Variants in PHACTR1 observed in about 807,000 individuals in gnomAD.
The protein encoded by PHACTR1 is phosphatase and actin regulator 1.
A neutral mutation model predicts 69.2 loss-of-function variants in PHACTR1; 16 were observed. The observed-to-expected ratio is 0.23, with a 90% confidence interval of 0.16 to 0.35. PHACTR1 has a LOEUF of 0.35. Ranked by LOEUF, PHACTR1 falls within the 10% of genes least tolerant of loss-of-function variation. PHACTR1 has a pLI of 1.00. For missense variants in PHACTR1, 510 were observed against 734.7 expected (o/e 0.69, Z 3.54); for synonymous variants, 312 against 284.5 (o/e 1.10, Z -0.97).
chr6:12,785,645 C>T (rs1266237814), intron 4 of PHACTR1, among the ~76,000 whole-genome samples: 1 of 152,178 alleles, frequency 6.6e-6, no homozygotes, highest in Non-Finnish European at 1.5e-5. Flanking sequence ...TTAGAGGTTT[C>T]TTAGAAACTG....
At chr6:12,811,704 CG>C (rs1442875126) in intron 4 of PHACTR1, among the ~76,000 whole-genome samples, 2 of 152,200 alleles carry the variant, frequency 1.3e-5, no homozygotes, top group Non-Finnish European at 2.9e-5. Flanking sequence ...CTACCCCACA[CG>C]GATCACCCTT....
chr6:12,932,328 A>T (rs144855938), intron 4 of PHACTR1, among the ~76,000 whole-genome samples: 101 of 152,298 alleles, frequency 6.6e-4, no homozygotes, highest in Non-Finnish European at 1.4e-3. Flanking sequence ...CTCATTCATC[A>T]GCCTGTCTCT....
rs1311153920 is a variant in PHACTR1 at position 13,053,381 on chromosome 6, G to T, written c.267G>T (p.Arg89Ser). Residue 89 changes from arginine to serine, a missense_variant, in exon 5 of 15, where the codon AGG becomes AGT. Around this residue, in one of 2 missense-constraint regions of PHACTR1, gnomAD observed 419 missense variants for 530.9 expected, o/e 0.79. Transcript: ENST00000332995. ...AATAACAAGCTGAGGAAGTGGAGAG[G>T]CTGGCGGCGATGCGTTCTGACTCCC... is the stretch of plus-strand genomic sequence containing the variant. Reference protein sequence around the residue: ...FNLGAAEEVERLAAMRSDSLV... With the variant: ...FNLGAAEEVESLAAMRSDSLV... 3.7e-6 allele frequency: 6 copies of T among 1,609,502 alleles called. No individual in the cohort carries two copies. The highest frequency in any genetic ancestry group is 3.3e-4 in the Middle Eastern group (2 of 6,072).
At chr6:12,833,249 C>G (rs1295583226) in intron 4 of PHACTR1, among the ~76,000 whole-genome samples, 1 of 151,604 alleles carries the variant, frequency 6.6e-6, no homozygotes, top group Non-Finnish European at 1.5e-5. Context: ...CTCCACAAAC[C>G]TGTAGTTCTT....
chr6:12,735,197 G>C (rs1040738819), intron 3 of PHACTR1, among the ~76,000 whole-genome samples: 2 of 146,178 alleles, frequency 1.4e-5, no homozygotes, highest in Admixed American at 1.4e-4. Context: ...CTTGCTACAT[G>C]AGCCTCTCCA....
chr6:12,855,415 G>A (rs1216716127), intron 4 of PHACTR1, among the ~76,000 whole-genome samples: 1 of 152,128 alleles, frequency 6.6e-6, no homozygotes, highest in African/African-American at 2.4e-5. Flanking sequence ...TTATACCAAT[G>A]CACCCTAGCC....
intron 5 of PHACTR1, among the ~76,000 whole-genome samples, chr6:13,133,233 CTCCCTCTCCCTT>C (rs751277133): frequency 0.11 from 6,807 of 59,948 alleles, 978 homozygotes; most frequent in Non-Finnish European, 0.15. Context: ...CCCTCCCCCT[CTCCCTCTCCCTT>C]TCCCTCTCCC....
chr6:13,197,958 G>C (rs562405511), intron 7 of PHACTR1, among the ~76,000 whole-genome samples: 57 of 152,308 alleles, frequency 3.7e-4, no homozygotes, highest in African/African-American at 1.2e-3. Context: ...AGGGTCTGGG[G>C]TGGGCCCTGA....
At chr6:13,185,148 C>A in intron 7 of PHACTR1, 1 of 553,670 alleles carries the variant, frequency 1.8e-6, no homozygotes, top group Non-Finnish European at 2.8e-6. Flanking sequence ...CTGTGTGTGT[C>A]TTGATATCTG....
At chr6:12,970,036 A>G (rs1281643688) in intron 4 of PHACTR1, among the ~76,000 whole-genome samples, 1 of 152,224 alleles carries the variant, frequency 6.6e-6, no homozygotes, top group Non-Finnish European at 1.5e-5. Flanking sequence ...TGTCTCTAGC[A>G]TAAAATAAAT....
At chr6:12,869,226 A>G (rs554149403) in intron 4 of PHACTR1, among the ~76,000 whole-genome samples, 1 of 152,118 alleles carries the variant, frequency 6.6e-6, no homozygotes, top group Non-Finnish European at 1.5e-5. Flanking sequence ...TGAGGGACAA[A>G]TTTAGTAGAA....
At chr6:13,069,718 TG>T (rs1809225324) in intron 5 of PHACTR1, among the ~76,000 whole-genome samples, 1 of 152,224 alleles carries the variant, frequency 6.6e-6, no homozygotes, top group African/African-American at 2.4e-5. Flanking sequence ...ATCGGTTGAC[TG>T]CAGCAGGAGC....
At chr6:13,069,973 CA>C (rs1270165987) in intron 5 of PHACTR1, among the ~76,000 whole-genome samples, 1 of 152,148 alleles carries the variant, frequency 6.6e-6, no homozygotes, top group Non-Finnish European at 1.5e-5. Context: ...TCCATGGTCG[CA>C]CTGGACTCAG....
intron 10 of PHACTR1, among the ~76,000 whole-genome samples, chr6:13,235,605 G>T (rs905470494): frequency 1.3e-5 from 2 of 152,198 alleles, no homozygotes; most frequent in Non-Finnish European, 2.9e-5. Context: ...AGATCACTAG[G>T]TATGGGGTGT....
intron 7 of PHACTR1, among the ~76,000 whole-genome samples, chr6:13,192,672 G>A (rs919286190): frequency 2.0e-5 from 3 of 152,120 alleles, no homozygotes; most frequent in African/African-American, 7.2e-5. Flanking sequence ...AATAAACTGG[G>A]GCATGTCCAA....
intron 4 of PHACTR1, among the ~76,000 whole-genome samples, chr6:12,770,811 G>A (rs977551657): frequency 1.3e-5 from 2 of 152,142 alleles, no homozygotes; most frequent in Non-Finnish European, 2.9e-5. Flanking sequence ...GATAGAAAAC[G>A]GGGAGCCTGC....
In PHACTR1 at chr6:13,283,023, T is replaced by A. The variant is rs111821969; in HGVS notation, c.1510-399T>A. On this transcript the variant is annotated intron_variant, in intron 12 of 14. Coordinates refer to ENST00000332995, the MANE Select transcript of PHACTR1 (RefSeq NM_030948.6). This position sits in a 1 kb window ranked among gnomAD's most constrained non-coding sequence, Gnocchi z 4.7. ...ATAAAATGATATGATGCCTGTGATT[T>A]GTTTCAAAGCAATCTACATGTGGAT... Among the ~76,000 whole-genome samples the A allele has an allele frequency of 2.6e-5, 4 of 152,366 alleles. No individual in the cohort carries two copies. The highest frequency in any genetic ancestry group is 9.6e-5 in the African/African-American group (4 of 41,598).
chr6:13,107,220 C>T (rs1437637117), intron 5 of PHACTR1, among the ~76,000 whole-genome samples: 5 of 152,156 alleles, frequency 3.3e-5, no homozygotes, highest in Non-Finnish European at 5.9e-5. Context: ...GAGGTTCAAG[C>T]AATCCTCAGT....
intron 7 of PHACTR1, among the ~76,000 whole-genome samples, chr6:13,205,274 G>A (rs564434362): frequency 3.3e-5 from 5 of 152,230 alleles, no homozygotes; most frequent in East Asian, 1.9e-4. Context: ...GGGAGAGCTC[G>A]AACTCGCTCA....
Sources: gnomAD v4.1 joint callset for allele counts (sites outside exome capture counted in the v4.1 genomes callset) on GRCh38, gnomAD v4.1.1 for gene constraint, gnomAD v4.1.1 regional missense constraint, Gnocchi (gnomAD v3.1) non-coding constraint, MANE v1.5 for transcripts, NCBI Gene and HGNC (gene_info 2026-07-23, HGNC 2026-07-21) for gene names.